Variants in PCDH15 observed in about 807,000 individuals in gnomAD.
PCDH15 encodes protocadherin-15.
Under a neutral mutation model 178.5 loss-of-function variants are expected in PCDH15, and 129 were observed. The ratio of observed to expected loss-of-function variants is 0.72; its 90% CI spans 0.63 to 0.84. The LOEUF (loss-of-function observed/expected upper bound fraction) is 0.84, where lower values mean the gene tolerates loss of function less well. Among genes scored for constraint, PCDH15 ranks in the 40% least tolerant of loss-of-function variants. PCDH15 has a pLI of 0.00. For missense variants in PCDH15, 2,230 were observed against 2,099.9 expected, an observed-to-expected ratio of 1.06 and a Z score of -1.21; for synonymous variants, 800 against 732.0, an observed-to-expected ratio of 1.09 and a Z score of -1.50.
intron 2 of PCDH15, among the ~76,000 whole-genome samples, chr10:54,908,719 G>C (rs559483411): frequency 6.6e-6 from 1 of 152,186 alleles, no homozygotes; most frequent in Non-Finnish European, 1.5e-5. Context: ...TTCTGTAAAC[G>C]GTGTCCTGGA....
chr10:54,410,303 A>T (rs373222916), intron 3 of PCDH15, among the ~76,000 whole-genome samples: 27 of 152,238 alleles, frequency 1.8e-4, no homozygotes, highest in Non-Finnish European at 3.1e-4. Context: ...CGTCCTTTTG[A>T]TTGCTTAAAA....
At chr10:55,560,033 T>A (rs1454900508) in intron 2 of PCDH15, among the ~76,000 whole-genome samples, 2 of 151,944 alleles carry the variant, frequency 1.3e-5, no homozygotes. Context: ...TTCCAATGCA[T>A]TTAAGAGTTA....
intron 3 of PCDH15, among the ~76,000 whole-genome samples, chr10:54,497,879 T>G (rs2137318461): frequency 6.6e-6 from 1 of 152,252 alleles, no homozygotes; most frequent in Admixed American, 6.5e-5. Context: ...TTGGAAAATA[T>G]ATTTGAGAAT....
chr10:55,081,983 T>G (rs1431537070), intron 2 of PCDH15, among the ~76,000 whole-genome samples: 1 of 152,038 alleles, frequency 6.6e-6, no homozygotes, highest in African/African-American at 2.4e-5. Flanking sequence ...AGTTGGAGAC[T>G]TCAACACCCC....
At position 54,622,718 on chromosome 10, in the gene PCDH15, A is replaced by T. The variant is rs1467796253; in HGVS notation, c.91+41454T>A. 7.0e-5 allele frequency among the ~76,000 whole-genome samples: 7 copies of T among 99,818 alleles called. 1 individual carries two copies. The highest frequency in any genetic ancestry group is 6.3e-4 in the Admixed American group (4 of 6,380). The allele number at this position is 99,818 out of a possible 152,430, so 65.5% of individuals were successfully genotyped here. ...ATATATTTTCTATATATTATATATAATATATATTATATAATTATATATATA... is the reference window on the plus strand; with the variant it reads ...ATATATTTTCTATATATTATATATATTATATATTATATAATTATATATATA... On this transcript the variant is annotated intron_variant, in intron 2 of 37. Coordinates refer to ENST00000644397, the MANE Select transcript of PCDH15 (RefSeq NM_001384140.1).
At chr10:53,949,964 T>G (rs183274678) in intron 23 of PCDH15, among the ~76,000 whole-genome samples, 1 of 152,276 alleles carries the variant, frequency 6.6e-6, no homozygotes. Flanking sequence ...TTTTATTCTT[T>G]AATATAAAGC....
intron 2 of PCDH15, among the ~76,000 whole-genome samples, chr10:55,118,988 G>C (rs978075071): frequency 1.1e-4 from 16 of 152,112 alleles, no homozygotes; most frequent in Non-Finnish European, 2.2e-4. Flanking sequence ...GCGGTTGCTT[G>C]AGGACCATGC....
intron 18 of PCDH15, among the ~76,000 whole-genome samples, chr10:54,065,572 C>T (rs1246758650): frequency 6.6e-6 from 1 of 152,150 alleles, no homozygotes; most frequent in African/African-American, 2.4e-5. Flanking sequence ...GTATCAAGAC[C>T]AGTTGGCATT....
intron 2 of PCDH15, among the ~76,000 whole-genome samples, chr10:55,532,983 C>A (rs1841486903): frequency 5.3e-5 from 8 of 152,046 alleles, no homozygotes; most frequent in Admixed American, 5.3e-4. Flanking sequence ...TTTCTCAGGA[C>A]ATTAAAATTT....
At chr10:55,076,506 A>T (rs12412759) in intron 2 of PCDH15, among the ~76,000 whole-genome samples, 1 of 149,924 alleles carries the variant, frequency 6.7e-6, no homozygotes, top group Admixed American at 6.7e-5. Context: ...GCCTGTAGTG[A>T]AGTGGTGCGA....
At chr10:54,397,435 T>C (rs2135423280) in intron 3 of PCDH15, among the ~76,000 whole-genome samples, 1 of 152,210 alleles carries the variant, frequency 6.6e-6, no homozygotes, top group East Asian at 1.9e-4. Context: ...TTTTCTTGCA[T>C]TGTGTTTCAA....
chr10:54,484,235 G>A (rs746211222), intron 3 of PCDH15, among the ~76,000 whole-genome samples: 51 of 151,912 alleles, frequency 3.4e-4, no homozygotes, highest in African/African-American at 6.3e-4. Flanking sequence ...ATAATAAGTG[G>A]CATTTTTGCA....
intron 1 of PCDH15, among the ~76,000 whole-genome samples, chr10:54,747,780 T>A (rs1274814037): frequency 6.6e-6 from 1 of 151,408 alleles, no homozygotes; most frequent in African/African-American, 2.4e-5. Flanking sequence ...ATATTATTTT[T>A]AAAAATAAAA....
At chr10:53,982,126 T>A (rs975274942) in intron 21 of PCDH15, among the ~76,000 whole-genome samples, 2 of 152,032 alleles carry the variant, frequency 1.3e-5, no homozygotes, top group Non-Finnish European at 2.9e-5. Context: ...TGAGATACCA[T>A]CTCACACCAG....
intron 10 of PCDH15, among the ~76,000 whole-genome samples, chr10:54,200,821 A>G (rs1055000656): frequency 3.3e-5 from 5 of 151,854 alleles, no homozygotes; most frequent in African/African-American, 9.7e-5. Flanking sequence ...GTGAGGAGTT[A>G]TTCATCTTTT....
intron 32 of PCDH15, chr10:53,823,035 C>A: frequency 6.2e-7 from 1 of 1,614,014 alleles, no homozygotes; most frequent in Non-Finnish European, 8.5e-7. Flanking sequence ...TCTTGGGCCC[C>A]TCAGAGACTT....
At chr10:55,182,270 A>C (rs1178981104) in intron 1 of PCDH15, among the ~76,000 whole-genome samples, 1 of 151,984 alleles carries the variant, frequency 6.6e-6, no homozygotes, top group Non-Finnish European at 1.5e-5. Context: ...AAATAACTAC[A>C]AAAAATTACA....
At chr10:55,446,162 G>A (rs1839310731) in intron 2 of PCDH15, among the ~76,000 whole-genome samples, 1 of 151,616 alleles carries the variant, frequency 6.6e-6, no homozygotes, top group Admixed American at 6.6e-5. Context: ...ATAACACCAT[G>A]TAGTTGAGAA....
At chr10:54,296,594 T>C (rs772820855) in intron 8 of PCDH15, among the ~76,000 whole-genome samples, 13 of 152,096 alleles carry the variant, frequency 8.5e-5, no homozygotes, top group Non-Finnish European at 1.6e-4. Flanking sequence ...ACTTTAGGAC[T>C]CTATTCCCTT....
Sources: allele counts gnomAD v4.1 joint callset (sites outside exome capture counted in the v4.1 genomes callset), GRCh38; gene constraint gnomAD v4.1.1; transcripts MANE v1.5; gene names NCBI Gene and HGNC (gene_info 2026-07-23, HGNC 2026-07-21).